The following ABTB3 variants were observed in gnomAD, a reference collection of about 807,000 sequenced individuals.
The protein encoded by ABTB3 is ankyrin repeat and BTB domain containing 3.
At chr12:107,658,020 T>G in the ABTB3 span, 1 of 400,960 alleles carries the variant, frequency 2.5e-6, no homozygotes, top group South Asian at 3.0e-5. Context: ...ATTGAGGCCT[T>G]TTAAAGGTCA....
the ABTB3 span, among the ~76,000 whole-genome samples, chr12:107,439,406 A>G: frequency 6.6e-6 from 1 of 152,044 alleles, no homozygotes. Flanking sequence ...TCTCACCTCT[A>G]CCTGGCTTGG....
the ABTB3 span, among the ~76,000 whole-genome samples, chr12:107,584,453 G>A: frequency 2.0e-5 from 3 of 152,364 alleles, no homozygotes; most frequent in East Asian, 5.8e-4. Flanking sequence ...TAAAAATACA[G>A]TCTCCTTGCT....
At chr12:107,615,294 T>A in the ABTB3 span, 20 of 664,828 alleles carry the variant, frequency 3.0e-5, no homozygotes, top group Non-Finnish European at 4.6e-5. Context: ...TATAGTATAT[T>A]CATATCATGT....
At chr12:107,433,445 C>T in the ABTB3 span, among the ~76,000 whole-genome samples, 8 of 151,702 alleles carry the variant, frequency 5.3e-5, no homozygotes, top group Non-Finnish European at 1.2e-4. Context: ...TAGAGCATGA[C>T]ATGGGCGTTC....
the ABTB3 span, among the ~76,000 whole-genome samples, chr12:107,648,278 G>A: frequency 6.6e-6 from 1 of 151,974 alleles, no homozygotes; most frequent in Non-Finnish European, 1.5e-5. Flanking sequence ...CTACTTGGGA[G>A]GCTGAGGCAG....
the ABTB3 span, among the ~76,000 whole-genome samples, chr12:107,383,951 T>A: frequency 3.3e-5 from 5 of 152,174 alleles, no homozygotes; most frequent in African/African-American, 1.2e-4. Context: ...ACAGCACCCA[T>A]CCAAGCATGG....
the ABTB3 span, among the ~76,000 whole-genome samples, chr12:107,436,958 C>A: frequency 6.6e-6 from 1 of 152,034 alleles, no homozygotes; most frequent in Non-Finnish European, 1.5e-5. Flanking sequence ...GCATCCCCCC[C>A]CGCCGCACCT....
chr12:107,658,044 T>G, the ABTB3 span: 1 of 354,270 alleles, frequency 2.8e-6, no homozygotes, highest in Non-Finnish European at 5.3e-6. Flanking sequence ...AGGTTCCAGG[T>G]TGACAGTTGG....
the ABTB3 span, among the ~76,000 whole-genome samples, chr12:107,619,026 C>T: frequency 2.0e-5 from 3 of 152,170 alleles, no homozygotes; most frequent in Admixed American, 1.3e-4. Context: ...TAGTGGCTTT[C>T]GCTCTGCCAT....
At chr12:107,648,242 G>A in the ABTB3 span, among the ~76,000 whole-genome samples, 8 of 151,998 alleles carry the variant, frequency 5.3e-5, no homozygotes, top group Non-Finnish European at 8.8e-5. Flanking sequence ...CTAGCCGGGC[G>A]TGGCAGCGTG....
chr12:107,398,379 C>T, the ABTB3 span, among the ~76,000 whole-genome samples: 307 of 152,382 alleles, frequency 2.0e-3, 2 homozygotes, highest in African/African-American at 6.8e-3. Context: ...ATAACACAGA[C>T]ACACAACAGT....
chr12:107,651,779 C>T, the ABTB3 span: 17 of 1,612,976 alleles, frequency 1.1e-5, no homozygotes, highest in Admixed American at 2.8e-4. Context: ...TATTTACAAC[C>T]ATGCCAAGGT....
chr12:107,440,451 C>A, the ABTB3 span, among the ~76,000 whole-genome samples: 1 of 152,238 alleles, frequency 6.6e-6, no homozygotes, highest in Non-Finnish European at 1.5e-5. Flanking sequence ...GGGCACCTGC[C>A]TCCTCAGAGA....
chr12:107,507,951 A>G, the ABTB3 span, among the ~76,000 whole-genome samples: 1 of 152,250 alleles, frequency 6.6e-6, no homozygotes, highest in Non-Finnish European at 1.5e-5. Flanking sequence ...ACACTCATGA[A>G]CATTGTACCT....
the ABTB3 span, among the ~76,000 whole-genome samples, chr12:107,524,340 G>C: frequency 6.6e-6 from 1 of 152,128 alleles, no homozygotes; most frequent in Non-Finnish European, 1.5e-5. Context: ...TTTGTGGTCT[G>C]AATCAATACA....
At chr12:107,345,944 C>G in the ABTB3 span, among the ~76,000 whole-genome samples, 1 of 152,320 alleles carries the variant, frequency 6.6e-6, no homozygotes, top group Non-Finnish European at 1.5e-5. Context: ...CTCAATTAAT[C>G]TTCATAATGG....
At chr12:107,342,877 C>A in the ABTB3 span, among the ~76,000 whole-genome samples, 1 of 152,192 alleles carries the variant, frequency 6.6e-6, no homozygotes, top group Non-Finnish European at 1.5e-5. Flanking sequence ...GCTTTGCTTG[C>A]TGTCTGTAAT....
At chr12:107,609,448 A>G in the ABTB3 span, among the ~76,000 whole-genome samples, 1 of 152,130 alleles carries the variant, frequency 6.6e-6, no homozygotes, top group Admixed American at 6.5e-5. Context: ...GGCTGGCTGG[A>G]TGACAAATTC....
chr12:107,659,313 G>A, the ABTB3 span: 2 of 152,226 alleles, frequency 1.3e-5, no homozygotes, highest in East Asian at 3.8e-4. Flanking sequence ...CTGCGAGGCT[G>A]ATACACAAGG....
Sources: gnomAD v4.1 joint callset for allele counts (sites outside exome capture counted in the v4.1 genomes callset) on GRCh38, gnomAD v4.1.1 for gene constraint, MANE v1.5 for transcripts, NCBI Gene and HGNC (gene_info 2026-07-23, HGNC 2026-07-21) for gene names.